SCD5: variants seen among roughly 807,000 people sequenced by gnomAD.
SCD5 encodes the protein stearoyl-CoA desaturase 5, also known as acyl-CoA-desaturase 4.
Under a neutral mutation model 30.4 loss-of-function variants are expected in SCD5, and 20 were observed. The observed-to-expected ratio is 0.66, with a 90% CI of 0.46 to 0.96. SCD5 has a LOEUF of 0.96. SCD5 is among the 40% of genes least tolerant of loss of function. The pLI, the probability that SCD5 is intolerant of heterozygous loss-of-function variation, is 0.00. For missense variants in SCD5, 381 were observed against 443.3 expected (o/e 0.86, Z 1.26); for synonymous variants, 173 against 176.4 (o/e 0.98, Z 0.16).
chr4:82,665,231 C>CAAAAA (rs35422547), intron 3 of SCD5, among the ~76,000 whole-genome samples: 1 of 72,148 alleles, frequency 1.4e-5, no homozygotes, highest in African/African-American at 5.2e-5. Context: ...GACCCTGTCT[C>CAAAAA]AAAAAAAAAA....
intron 1 of SCD5, among the ~76,000 whole-genome samples, chr4:82,774,022 G>A (rs990083418): frequency 6.6e-6 from 1 of 150,980 alleles, no homozygotes; most frequent in Non-Finnish European, 1.5e-5. Context: ...CCAGGCAGCA[G>A]AGGTTGCAGT....
chr4:82,644,034 T>A (rs1727594003), intron 3 of SCD5, among the ~76,000 whole-genome samples: 1 of 152,326 alleles, frequency 6.6e-6, no homozygotes, highest in African/African-American at 2.4e-5. Context: ...GTCAAGATGT[T>A]CTGTAGAGTA....
At chr4:82,756,050 G>C (rs1413833013) in intron 1 of SCD5, among the ~76,000 whole-genome samples, 3 of 152,238 alleles carry the variant, frequency 2.0e-5, no homozygotes, top group African/African-American at 7.2e-5. Flanking sequence ...CTGTGGCTCA[G>C]TGACAAGAGG....
At chr4:82,754,504 A>G (rs935921209) in intron 1 of SCD5, among the ~76,000 whole-genome samples, 1 of 152,132 alleles carries the variant, frequency 6.6e-6, no homozygotes, top group Non-Finnish European at 1.5e-5. Context: ...GACTCCTTCC[A>G]GGCTCCCCCC....
chr4:82,681,048 C>T lies in SCD5; in HGVS notation c.364-136G>A. ...TTCCTCCTGTCTTCAACCCACAGTC[C>T]CTCAACCTCAAGTTCAATCCCCTGT... On this transcript the variant is annotated intron_variant, in intron 2 of 4. Transcript: ENST00000319540. The T allele has an allele frequency of 5.9e-6, 4 of 680,388 alleles. No individual in the cohort carries two copies. The South Asian group carries it at 7.3e-5, about 12-fold the overall frequency. 42.1% of individuals were successfully genotyped at this position (680,388 alleles called of 1,614,324 possible).
intron 1 of SCD5, among the ~76,000 whole-genome samples, chr4:82,791,915 A>G (rs1209567909): frequency 6.6e-6 from 1 of 152,244 alleles, no homozygotes; most frequent in Non-Finnish European, 1.5e-5. Flanking sequence ...AAACTAGGTG[A>G]GGAAAACTAA....
At chr4:82,675,908 C>T (rs1728426781) in intron 3 of SCD5, among the ~76,000 whole-genome samples, 1 of 152,188 alleles carries the variant, frequency 6.6e-6, no homozygotes, top group South Asian at 2.1e-4. Flanking sequence ...AATTGTTTAC[C>T]CCATATCGAT....
chr4:82,640,677 C>T (rs973040561), intron 3 of SCD5, among the ~76,000 whole-genome samples: 2 of 152,182 alleles, frequency 1.3e-5, no homozygotes, highest in Admixed American at 6.5e-5. Flanking sequence ...CTTTTAGCCT[C>T]GAGCAGCTGG....
intron 1 of SCD5, among the ~76,000 whole-genome samples, chr4:82,742,845 G>A (rs1720906524): frequency 6.6e-6 from 1 of 152,158 alleles, no homozygotes; most frequent in South Asian, 2.1e-4. Flanking sequence ...GGTCTCTGAA[G>A]AGCCCACCAC....
chr4:82,717,121 A>AT, intron 1 of SCD5, among the ~76,000 whole-genome samples: 1 of 151,772 alleles, frequency 6.6e-6, no homozygotes, highest in South Asian at 2.1e-4. Flanking sequence ...ATACTGAAGG[A>AT]TCACTGTATA....
At chr4:82,639,879 T>C (rs1236724920) in intron 3 of SCD5, among the ~76,000 whole-genome samples, 4 of 152,240 alleles carry the variant, frequency 2.6e-5, no homozygotes, top group African/African-American at 4.8e-5. Context: ...AGTCCTGCTC[T>C]GAGCCACTGT....
In SCD5 at chr4:82,798,360, C is replaced by A. The variant is rs1345603512; in HGVS notation, c.178G>T (p.Ala60Ser). 2 of 1,613,318 alleles carry A rather than the reference C, an allele frequency of 1.2e-6. No individual in the cohort carries two copies. Among genetic ancestry groups the A allele is most frequent in the Admixed American group, 1.7e-5 (1 of 60,016 alleles). Residue 60 changes from alanine (A) to serine (S), a missense_variant, in exon 1 of 5, where the codon GCC becomes TCC. Coordinates refer to ENST00000319540, the MANE Select transcript of SCD5 (RefSeq NM_001037582.3). Reference sequence around the variant, plus strand: ...GGGATGAGCACCAGGGAGTACACGGCCCCCAAGTGGAGCAAGCTCATCAGG... The same window carrying A: ...GGGATGAGCACCAGGGAGTACACGGACCCCAAGTGGAGCAAGCTCATCAGG... ...VVLMSLLHLGAVYSLVLIPKA... is the reference protein window; with the variant it reads ...VVLMSLLHLGSVYSLVLIPKA...
intron 3 of SCD5, among the ~76,000 whole-genome samples, chr4:82,645,749 T>C (rs1361740846): frequency 1.3e-5 from 2 of 152,198 alleles, no homozygotes; most frequent in Admixed American, 1.3e-4. Flanking sequence ...TTCAATTACT[T>C]CAGCTCCAAT....
chr4:82,637,184 CT>C (rs1431664648), intron 3 of SCD5, among the ~76,000 whole-genome samples: 38 of 152,280 alleles, frequency 2.5e-4, no homozygotes, highest in Non-Finnish European at 5.0e-4. Context: ...CTAGAGATTT[CT>C]TTCATCAATC....
intron 3 of SCD5, among the ~76,000 whole-genome samples, chr4:82,672,293 G>T (rs1318277376): frequency 6.6e-6 from 1 of 152,030 alleles, no homozygotes; most frequent in Non-Finnish European, 1.5e-5. Flanking sequence ...TAATAAAATT[G>T]ATAAGCCTCT....
At chr4:82,753,156 C>A (rs1305989982) in intron 1 of SCD5, among the ~76,000 whole-genome samples, 1 of 151,894 alleles carries the variant, frequency 6.6e-6, no homozygotes, top group Admixed American at 6.5e-5. Context: ...TTCCTGTGCA[C>A]ATTCCAGTTT....
chr4:82,642,186 C>T (rs1727559713), intron 3 of SCD5, among the ~76,000 whole-genome samples: 2 of 151,978 alleles, frequency 1.3e-5, no homozygotes, highest in African/African-American at 4.8e-5. Flanking sequence ...GTGCAGAGGT[C>T]CAGAGATGTC....
At chr4:82,784,847 T>C (rs1220547079) in intron 1 of SCD5, among the ~76,000 whole-genome samples, 1 of 152,370 alleles carries the variant, frequency 6.6e-6, no homozygotes, top group Middle Eastern at 3.4e-3. Flanking sequence ...TCAGAACAGA[T>C]GCAGATTTAA....
At chr4:82,714,756 G>A (rs918137009) in intron 1 of SCD5, among the ~76,000 whole-genome samples, 3 of 152,172 alleles carry the variant, frequency 2.0e-5, no homozygotes, top group African/African-American at 7.2e-5. Flanking sequence ...GCTCATTGGA[G>A]CATTTTGGAT....
Sources: gnomAD v4.1 joint callset for allele counts (sites outside exome capture counted in the v4.1 genomes callset) on GRCh38, gnomAD v4.1.1 for gene constraint, MANE v1.5 for transcripts, NCBI Gene and HGNC (gene_info 2026-07-23, HGNC 2026-07-21) for gene names.